The following GSE1 variants were observed in gnomAD, a reference collection of about 807,000 sequenced individuals.
The protein encoded by GSE1 is Gse1 coiled-coil protein.
Under a neutral mutation model 112.6 loss-of-function variants are expected in GSE1, and 32 were observed. The ratio of observed to expected loss-of-function variants is 0.28; its 90% CI spans 0.21 to 0.38. GSE1 has a LOEUF of 0.38. Among genes scored for constraint, GSE1 ranks in the 10% least tolerant of loss-of-function variants. The pLI is 1.00. For synonymous variants in GSE1, 1,115 were observed against 735.6 expected, an observed-to-expected ratio of 1.52 and a Z score of -8.35; for missense variants, 2,348 against 1,699.2, an observed-to-expected ratio of 1.38 and a Z score of -6.71.
chr16:85,662,378 C>G (rs1598665184), intron 9 of GSE1: 1 of 153,948 alleles, frequency 6.5e-6, no homozygotes, highest in East Asian at 1.9e-4. Context: ...ATGCTGAACA[C>G]TCAGGTCCTG....
At chr16:85,238,982 C>T (rs1904948594) in intron 1 of GSE1, among the ~76,000 whole-genome samples, 1 of 152,094 alleles carries the variant, frequency 6.6e-6, no homozygotes, top group Non-Finnish European at 1.5e-5. Flanking sequence ...CACTGGAGTG[C>T]AGTGGTGCGA....
At chr16:85,478,184 TGCA>T (rs2050521172) in intron 2 of GSE1, among the ~76,000 whole-genome samples, 1 of 152,178 alleles carries the variant, frequency 6.6e-6, no homozygotes, top group Non-Finnish European at 1.5e-5. Flanking sequence ...GGTTCGTCCG[TGCA>T]GCAGCGTGCG....
At chr16:85,170,711 C>T (rs936326603) in exon 1 of GSE1, 4 of 985,564 alleles carry the variant, frequency 4.1e-6, no homozygotes, top group African/African-American at 3.5e-5. Context: ...GCTCAGGCCC[C>T]GTTCTTCCCC....
intron 2 of GSE1, among the ~76,000 whole-genome samples, chr16:85,540,899 C>T (rs2044495639): frequency 6.6e-6 from 1 of 151,972 alleles, no homozygotes; most frequent in African/African-American, 2.4e-5. Context: ...AGAGTGAGAC[C>T]CTGTCTCAAA....
At chr16:85,223,339 A>T (rs905886341) in intron 1 of GSE1, among the ~76,000 whole-genome samples, 2 of 152,132 alleles carry the variant, frequency 1.3e-5, no homozygotes, top group Non-Finnish European at 2.9e-5. Context: ...CCTGGCCAAC[A>T]TGGTGAAACC....
At position 85,488,959 on chromosome 16, in the gene GSE1, G is replaced by C. The variant is rs565933818; in HGVS notation, c.2464+131316G>C. 2.0e-5 allele frequency among the ~76,000 whole-genome samples: 3 copies of C among 152,146 alleles called. No individual in the cohort carries two copies. In the South Asian group the frequency reaches 6.2e-4, roughly 32 times the overall value. On this transcript the variant is annotated intron_variant, in intron 2 of 2. Coordinates refer to the GSE1 transcript ENST00000637419. ...AACAGCCCTGGCCTTTCGTTTTTAA[G>C]TTGTTAGTGTTTGCAGTGATTCTTT...
intron 2 of GSE1, among the ~76,000 whole-genome samples, chr16:85,457,954 T>C (rs1052384246): frequency 3.3e-5 from 5 of 152,208 alleles, no homozygotes; most frequent in Non-Finnish European, 7.3e-5. Context: ...TTTCATACCT[T>C]CTCTGAGATT....
chr16:85,362,485 C>T (rs1877782105), intron 2 of GSE1, among the ~76,000 whole-genome samples: 1 of 152,226 alleles, frequency 6.6e-6, no homozygotes, highest in Admixed American at 6.5e-5. Context: ...CCTAGCATTA[C>T]TACTTCCCGG....
At chr16:85,294,643 C>CTCTCTCTG (rs2045314779) in intron 1 of GSE1, among the ~76,000 whole-genome samples, 1 of 131,866 alleles carries the variant, frequency 7.6e-6, no homozygotes, top group African/African-American at 3.1e-5. Context: ...CTCTCTCTCT[C>CTCTCTCTG]TCTCTCTCTC....
chr16:85,378,958 C>G (rs555643186), intron 2 of GSE1, among the ~76,000 whole-genome samples: 1 of 152,310 alleles, frequency 6.6e-6, no homozygotes, highest in East Asian at 1.9e-4. Flanking sequence ...ATTAAAATAT[C>G]CAGGTTCAAG....
intron 1 of GSE1, among the ~76,000 whole-genome samples, chr16:85,240,680 T>C (rs1905100047): frequency 6.6e-6 from 1 of 152,062 alleles, no homozygotes; most frequent in Non-Finnish European, 1.5e-5. Context: ...CCCTGCGAGG[T>C]TCCTCGGGGC....
intron 8 of GSE1, chr16:85,659,712 C>G (rs1208098142): frequency 6.6e-6 from 1 of 152,240 alleles, no homozygotes; most frequent in Non-Finnish European, 1.5e-5. Context: ...AAAAATAGCC[C>G]TGTGAGTAGA....
At chr16:85,476,406 C>T (rs2151857472) in intron 2 of GSE1, among the ~76,000 whole-genome samples, 1 of 152,318 alleles carries the variant, frequency 6.6e-6, no homozygotes, top group East Asian at 1.9e-4. Context: ...CATACACGTG[C>T]ATATGACAGT....
At chr16:85,500,166 C>T (rs1047487527) in intron 2 of GSE1, among the ~76,000 whole-genome samples, 1 of 152,192 alleles carries the variant, frequency 6.6e-6, no homozygotes, top group African/African-American at 2.4e-5. Context: ...TAACCGGCTG[C>T]CAGGTGCAGA....
At chr16:85,391,518 C>G (rs1292516737) in intron 2 of GSE1, among the ~76,000 whole-genome samples, 1 of 152,226 alleles carries the variant, frequency 6.6e-6, no homozygotes, top group Non-Finnish European at 1.5e-5. Flanking sequence ...TCTCTGGTGA[C>G]TTCAGCATTC....
chr16:85,634,157 G>A (rs773189258), intron 2 of GSE1, 25 bp downstream of exon 2: 36 of 1,395,244 alleles, frequency 2.6e-5, no homozygotes, highest in South Asian at 6.2e-5. Context: ...CAGGCTGCGC[G>A]TGGGGGGAGC....
At chr16:85,583,756 C>T (rs1054238921) in intron 1 of GSE1, among the ~76,000 whole-genome samples, 1 of 152,122 alleles carries the variant, frequency 6.6e-6, no homozygotes, top group Non-Finnish European at 1.5e-5. Flanking sequence ...GGAGGCCTCA[C>T]CCGCCCCCCG....
rs573049380 is a variant in GSE1, at chr16:85,494,548, C to T, written c.2464+136905C>T. Among the ~76,000 whole-genome samples the T allele has an allele frequency of 6.8e-4, 103 of 151,662 alleles. 1 individual carries two copies. Among genetic ancestry groups the T allele is most frequent in the Non-Finnish European group, 1.2e-3 (79 of 67,974 alleles). On this transcript the variant is annotated intron_variant, in intron 2 of 2. Transcript: ENST00000637419. The stretch of plus-strand genomic sequence containing the variant: ...GCTCACTGCAGCCTCCACTTCCAGG[C>T]ATGCCCCACCACGCCCAGCTAATTT...
At chr16:85,622,392 T>C (rs1228784427) in intron 1 of GSE1, among the ~76,000 whole-genome samples, 1 of 152,180 alleles carries the variant, frequency 6.6e-6, no homozygotes, top group African/African-American at 2.4e-5. Context: ...TTTTCCACCC[T>C]GTATTTCCTC....
Sources: gnomAD v4.1 joint callset for allele counts (sites outside exome capture counted in the v4.1 genomes callset) on GRCh38, gnomAD v4.1.1 for gene constraint, MANE v1.5 for transcripts, NCBI Gene and HGNC (gene_info 2026-07-23, HGNC 2026-07-21) for gene names.